Variants in GPD2 observed in about 807,000 individuals in gnomAD.
The protein encoded by GPD2 is glycerol-3-phosphate dehydrogenase 2, also known as glycerol-3-phosphate dehydrogenase, mitochondrial.
A neutral mutation model predicts 82.4 loss-of-function variants in GPD2; 54 were observed. That is an observed-to-expected ratio of 0.66 (90% CI 0.53 to 0.82). The LOEUF is 0.82. Ranked by LOEUF, GPD2 falls within the 40% of genes least tolerant of loss-of-function variation. GPD2 has a pLI of 0.00. For missense variants in GPD2, 748 were observed against 896.2 expected (o/e 0.83, Z 2.11); for synonymous variants, 288 against 306.1 (o/e 0.94, Z 0.62).
chr2:156,418,107 C>T, the GPD2 span, among the ~76,000 whole-genome samples: 160 of 151,188 alleles, frequency 1.1e-3, no homozygotes, highest in African/African-American at 3.4e-3. Flanking sequence ...CCCAGCTACT[C>T]GGGAGGCTGA....
intron 2 of GPD2, among the ~76,000 whole-genome samples, chr2:156,482,662 A>G (rs1683775267): frequency 6.6e-6 from 1 of 152,214 alleles, no homozygotes; most frequent in African/African-American, 2.4e-5. Context: ...ATGTTCGAGC[A>G]TGTTGATATT....
chr2:156,438,775 T>G (rs1295914920), intron 1 of GPD2, among the ~76,000 whole-genome samples: 1 of 152,246 alleles, frequency 6.6e-6, no homozygotes, highest in Non-Finnish European at 1.5e-5. Context: ...TGCAGCATTA[T>G]ATTGTGTAAT....
At chr2:156,409,302 A>G in the GPD2 span, among the ~76,000 whole-genome samples, 2 of 152,256 alleles carry the variant, frequency 1.3e-5, no homozygotes, top group Non-Finnish European at 2.9e-5. Context: ...TACATTTTTG[A>G]CTTGGCAGAG....
At chr2:156,511,486 A>G (rs1201764419) in intron 4 of GPD2, among the ~76,000 whole-genome samples, 6 of 152,190 alleles carry the variant, frequency 3.9e-5, no homozygotes, top group Admixed American at 2.0e-4. Context: ...CTCTTTTTGT[A>G]CATGAAAAAC....
rs1050672393 is a variant in GPD2, at chr2:156,538,778, G to A, written c.662-10830G>A. Among the ~76,000 whole-genome samples the A allele has an allele frequency of 3.7e-5, 5 of 136,650 alleles. No individual in the cohort carries two copies. The South Asian group carries it at 1.2e-3, about 32-fold the overall frequency. The allele number at this position is 136,650 out of a possible 152,430, so 89.6% of individuals were successfully genotyped here. On this transcript the variant is annotated intron_variant, in intron 6 of 16. Transcript: ENST00000438166. ...GGAGCTTGCAGTGAGCCGAGATCAC[G>A]CCACTGCACTGCAGCCTGTGCAACA...
At chr2:156,546,330 C>T (rs145117827) in intron 6 of GPD2, among the ~76,000 whole-genome samples, 3 of 152,088 alleles carry the variant, frequency 2.0e-5, no homozygotes, top group Non-Finnish European at 4.4e-5. Flanking sequence ...GTATCACATT[C>T]CAATGGCATG....
intron 4 of GPD2, 43 bp downstream of exon 4, chr2:156,510,963 C>CT (rs34509913): frequency 1.9e-6 from 3 of 1,579,090 alleles, no homozygotes; most frequent in Admixed American, 3.3e-5. Flanking sequence ...TGCAACTGTG[C>CT]TTTTTTCTAC....
chr2:156,441,091 T>G (rs1682158887), intron 1 of GPD2, among the ~76,000 whole-genome samples: 2 of 152,158 alleles, frequency 1.3e-5, no homozygotes, highest in Non-Finnish European at 2.9e-5. Flanking sequence ...CATGGAGCCT[T>G]CATAAAAACC....
intron 13 of GPD2, among the ~76,000 whole-genome samples, chr2:156,571,784 C>T (rs573786674): frequency 2.0e-5 from 3 of 152,236 alleles, no homozygotes; most frequent in Admixed American, 1.3e-4. Flanking sequence ...TACATATACA[C>T]GCACACAAAC....
chr2:156,523,252 C>T, intron 6 of GPD2, among the ~76,000 whole-genome samples: 1 of 152,074 alleles, frequency 6.6e-6, no homozygotes, highest in Admixed American at 6.6e-5. Flanking sequence ...AGTCATCCTT[C>T]CCCCTCCCCT....
chr2:156,576,007 G>C (rs1340290999), intron 13 of GPD2, among the ~76,000 whole-genome samples: 1 of 152,142 alleles, frequency 6.6e-6, no homozygotes, highest in Non-Finnish European at 1.5e-5. Context: ...GAAACAATGG[G>C]TGAAATTTCA....
intron 6 of GPD2, among the ~76,000 whole-genome samples, chr2:156,515,871 GTAGTTTTGTGGTTT>G (rs1685179447): frequency 6.6e-6 from 1 of 152,188 alleles, no homozygotes; most frequent in Admixed American, 6.5e-5. Context: ...GTGCAACAGT[GTAGTTTTGTGGTTT>G]TACAACTATA....
chr2:156,497,335 A>G (rs1253306548), intron 3 of GPD2, among the ~76,000 whole-genome samples: 1 of 152,202 alleles, frequency 6.6e-6, no homozygotes, highest in East Asian at 1.9e-4. Flanking sequence ...AGATAGTATT[A>G]TAGCTACTAT....
chr2:156,557,722 G>A (rs1687016347), intron 9 of GPD2, 140 bp downstream of exon 9: 2 of 688,020 alleles, frequency 2.9e-6, no homozygotes, highest in East Asian at 5.4e-5. Context: ...CATTTATGAG[G>A]GCCAAATTTT....
intron 2 of GPD2, among the ~76,000 whole-genome samples, chr2:156,482,801 T>G (rs1346333338): frequency 6.6e-6 from 1 of 152,112 alleles, no homozygotes; most frequent in African/African-American, 2.4e-5. Flanking sequence ...ATGTGTTAAT[T>G]AAGGGAATAT....
the GPD2 span, among the ~76,000 whole-genome samples, chr2:156,418,163 G>A: frequency 2.6e-5 from 4 of 152,066 alleles, no homozygotes; most frequent in African/African-American, 7.2e-5. Context: ...TGCAGTGCGC[G>A]GAGATTGAGC....
At chr2:156,441,955 A>T (rs559814275) in intron 1 of GPD2, among the ~76,000 whole-genome samples, 23 of 152,314 alleles carry the variant, frequency 1.5e-4, no homozygotes, top group African/African-American at 4.8e-4. Context: ...TCTTTTAATT[A>T]TTCAGGCAAA....
chr2:156,416,153 C>T, the GPD2 span, among the ~76,000 whole-genome samples: 2 of 151,700 alleles, frequency 1.3e-5, no homozygotes, highest in Non-Finnish European at 2.9e-5. Context: ...GTATATACCA[C>T]AGTTCTTTGG....
chr2:156,495,111 G>A (rs2105239076), intron 2 of GPD2, among the ~76,000 whole-genome samples: 1 of 152,284 alleles, frequency 6.6e-6, no homozygotes, highest in South Asian at 2.1e-4. Context: ...TTGGAAGGCC[G>A]AGGCAGATGG....
Sources: gnomAD v4.1 joint callset for allele counts (sites outside exome capture counted in the v4.1 genomes callset) on GRCh38, gnomAD v4.1.1 for gene constraint, MANE v1.5 for transcripts, NCBI Gene and HGNC (gene_info 2026-07-23, HGNC 2026-07-21) for gene names.